Variants in C3orf20 observed in about 807,000 individuals in gnomAD.
C3orf20 encodes family with sequence similarity 149 member C, also known as uncharacterized protein C3orf20.
A neutral mutation model predicts 88.3 loss-of-function variants in C3orf20; 76 were observed. That is an observed-to-expected ratio of 0.86 (90% CI 0.72 to 1.04). The LOEUF (loss-of-function observed/expected upper bound fraction) is 1.04. Among genes scored for constraint, C3orf20 ranks in the 50% least tolerant of loss-of-function variants. The pLI is 0.00. For synonymous variants in C3orf20, 436 were observed against 437.4 expected, an observed-to-expected ratio of 1.00 and a Z score of 0.04; for missense variants, 1,056 against 1,123.3, an observed-to-expected ratio of 0.94 and a Z score of 0.86.
intron 13 of C3orf20, among the ~76,000 whole-genome samples, chr3:14,758,206 G>A (rs541230896): frequency 2.4e-4 from 36 of 152,324 alleles, no homozygotes; most frequent in South Asian, 6.2e-4. Context: ...GCACACAAGA[G>A]CCTGGGAACA....
chr3:14,732,665 G>A (rs1029266279), intron 12 of C3orf20, among the ~76,000 whole-genome samples: 3 of 152,180 alleles, frequency 2.0e-5, no homozygotes, highest in Admixed American at 2.0e-4. Context: ...CTCGTGAGTT[G>A]AGGACAGAGA....
chr3:14,685,542 C>G (rs1245072320), intron 4 of C3orf20, among the ~76,000 whole-genome samples: 1 of 151,452 alleles, frequency 6.6e-6, no homozygotes, highest in African/African-American at 2.4e-5. Context: ...ATCTACTCCC[C>G]AAGCAAATTT....
chr3:14,719,182 C>T (rs1260092049), intron 9 of C3orf20, among the ~76,000 whole-genome samples: 6 of 150,742 alleles, frequency 4.0e-5, no homozygotes, highest in Admixed American at 2.6e-4. Flanking sequence ...GGAAGGCAGC[C>T]TGTCAGGCAC....
At chr3:14,757,247 A>G in intron 12 of C3orf20, 124 bp from the exon 13 acceptor site, 1 of 771,070 alleles carries the variant, frequency 1.3e-6, no homozygotes, top group Non-Finnish European at 2.1e-6. Flanking sequence ...GCACATTGGC[A>G]GCAGGGCCCA....
chr3:14,721,928 C>T, intron 10 of C3orf20, 144 bp downstream of exon 10: 1 of 997,768 alleles, frequency 1.0e-6, no homozygotes, highest in Non-Finnish European at 1.5e-6. Flanking sequence ...TTATTCACCA[C>T]CTACTCTTAG....
At chr3:14,678,926 C>T (rs542372699) in intron 1 of C3orf20, among the ~76,000 whole-genome samples, 7 of 152,208 alleles carry the variant, frequency 4.6e-5, no homozygotes, top group Admixed American at 2.6e-4. Flanking sequence ...CATACAAGGC[C>T]CTGCAAGATC....
chr3:14,676,384 T>C (rs1372187719), intron 1 of C3orf20, among the ~76,000 whole-genome samples: 2 of 152,190 alleles, frequency 1.3e-5, no homozygotes, highest in Admixed American at 6.5e-5. Context: ...TATCTCTGTG[T>C]CCAACTTATG....
At chr3:14,705,925 C>A (rs560194282) in intron 7 of C3orf20, among the ~76,000 whole-genome samples, 1 of 152,130 alleles carries the variant, frequency 6.6e-6, no homozygotes. Context: ...ATTTAGGGTC[C>A]TTTGTTGGGT....
intron 5 of C3orf20, among the ~76,000 whole-genome samples, chr3:14,700,256 T>G (rs921419312): frequency 1.3e-5 from 2 of 151,220 alleles, no homozygotes; most frequent in African/African-American, 4.9e-5. Context: ...ACGCTTTTTT[T>G]GTGTAGGTAG....
chr3:14,723,282 C>CAT (rs1181349786), intron 10 of C3orf20, among the ~76,000 whole-genome samples: 2 of 152,244 alleles, frequency 1.3e-5, no homozygotes, highest in African/African-American at 4.8e-5. Flanking sequence ...CCAATAAGGA[C>CAT]ATAGGGTGTG....
At chr3:14,745,029 T>C (rs1270616305) in intron 12 of C3orf20, among the ~76,000 whole-genome samples, 1 of 152,174 alleles carries the variant, frequency 6.6e-6, no homozygotes, top group Non-Finnish European at 1.5e-5. Flanking sequence ...GCTGTGAAAA[T>C]GTAGAGTCAT....
intron 12 of C3orf20, among the ~76,000 whole-genome samples, chr3:14,737,250 TC>T (rs577153280): frequency 8.4e-4 from 128 of 152,190 alleles, no homozygotes; most frequent in African/African-American, 2.7e-3. Flanking sequence ...CCCCCTCCCT[TC>T]CTCCTTTACC....
At chr3:14,770,738 C>A (rs1169941261) in intron 15 of C3orf20, among the ~76,000 whole-genome samples, 2 of 152,198 alleles carry the variant, frequency 1.3e-5, no homozygotes, top group Admixed American at 1.3e-4. Context: ...AGTGACTAGA[C>A]AGTGCATACA....
At chr3:14,703,921 A>G (rs750929336) in intron 6 of C3orf20, among the ~76,000 whole-genome samples, 24 of 152,158 alleles carry the variant, frequency 1.6e-4, no homozygotes, top group Non-Finnish European at 2.9e-4. Context: ...GCTTGGTCAT[A>G]TACGTCTCCG....
At chr3:14,718,974 G>C (rs575086953) in intron 9 of C3orf20, among the ~76,000 whole-genome samples, 1 of 152,310 alleles carries the variant, frequency 6.6e-6, no homozygotes, top group Admixed American at 6.5e-5. Flanking sequence ...GGGTTCTGCA[G>C]GCCAGAAAGA....
Position 14,757,477 on chromosome 3 carries a change from TG to T in C3orf20, c.2048del (p.Cys683SerfsTer5). The T allele has an allele frequency of 1.2e-6, 2 of 1,613,532 alleles. No individual in the cohort carries two copies. Among genetic ancestry groups the T allele is most frequent in the Non-Finnish European group, 1.7e-6 (2 of 1,179,992 alleles). On this transcript the variant is annotated frameshift_variant, in exon 13 of 17. Transcript: ENST00000253697. LOFTEE classifies it high-confidence loss of function. Reference protein sequence around the residue: ...LMLKEDTRAGCKCLVKAPLVS... With the variant: ...LMLKEDTRAGXKCLVKAPLVS... The stretch of plus-strand genomic sequence containing the variant: ...GCTCAAGGAAGACACCCGTGCTGGC[TG>T]CAAGTGCCTGGTGAAGGCGCCCCTG...
In C3orf20 at chr3:14,757,601, C is replaced by T. The variant is rs775522917; in HGVS notation, c.2171C>T (p.Thr724Ile). Residue 724 changes from threonine (T) to isoleucine (I), a missense_variant, in exon 13 of 17, where the codon ACT (threonine) becomes ATT (isoleucine). By Grantham distance (89) the Thr-to-Ile change is moderately conservative. Transcript: ENST00000253697. ...GIISSQNYTS[T>I]GQLQWLLNTL... ...ATCTCAAGCCAGAACTACACCAGCA[C>T]TGGGCAGCTCCAGTGGCTGCTGAAC... 3.0e-5 allele frequency: 49 copies of T among 1,613,972 alleles called. No homozygotes were observed. The highest frequency in any genetic ancestry group is 4.1e-5 in the Non-Finnish European group (48 of 1,180,012).
intron 11 of C3orf20, among the ~76,000 whole-genome samples, chr3:14,728,012 A>C (rs2034413425): frequency 6.6e-6 from 1 of 152,070 alleles, no homozygotes; most frequent in Non-Finnish European, 1.5e-5. Context: ...GGAAAGCAAG[A>C]CAAGAATATA....
At chr3:14,700,696 A>T (rs2033224583) in intron 5 of C3orf20, among the ~76,000 whole-genome samples, 1 of 152,250 alleles carries the variant, frequency 6.6e-6, no homozygotes, top group Non-Finnish European at 1.5e-5. Context: ...TGACACATGC[A>T]TGCTAGCATG....
Sources: allele counts gnomAD v4.1 joint callset (sites outside exome capture counted in the v4.1 genomes callset), GRCh38; gene constraint gnomAD v4.1.1; transcripts MANE v1.5; gene names NCBI Gene and HGNC (gene_info 2026-07-23, HGNC 2026-07-21).